The following LRRC1 variants were observed in gnomAD, a reference collection of about 807,000 sequenced individuals.
LRRC1 encodes leucine rich repeat containing 1, also known as leucine-rich repeat-containing protein 1.
LRRC1 carries 28 observed loss-of-function variants against 69.9 expected under a neutral mutation model. That is an observed-to-expected ratio of 0.40 (90% confidence interval 0.30 to 0.55). The LOEUF (loss-of-function observed/expected upper bound fraction) is 0.55. LRRC1 is among the 20% of genes least tolerant of loss of function. The probability of loss-of-function intolerance (pLI) is 0.47; values close to 1 mark genes in which losing one functional copy is unlikely to be tolerated. For synonymous variants in LRRC1, 236 were observed against 240.2 expected (o/e 0.98, Z 0.16); for missense variants, 498 against 609.0 (o/e 0.82, Z 1.92).
chr6:53,905,545 T>G (rs1768207689), intron 10 of LRRC1, among the ~76,000 whole-genome samples: 1 of 152,166 alleles, frequency 6.6e-6, no homozygotes, highest in Admixed American at 6.5e-5. Flanking sequence ...GATCACTGGC[T>G]GGGTGTAGTT....
rs149096015 is a variant in LRRC1, at chr6:53,867,191, C to G, written c.278-11802C>G. On this transcript the variant is annotated intron_variant, in intron 2 of 13. Coordinates refer to ENST00000370888, the MANE Select transcript of LRRC1 (RefSeq NM_018214.5). ...GATGATAGTAATAGTACCTCCTTAA[C>G]GTTTTTGTGAAGGTTTAAATGAGTT... Among the ~76,000 whole-genome samples the G allele has an allele frequency of 9.3e-4, 142 of 152,080 alleles. 2 individuals carry two copies. In the East Asian group the frequency reaches 0.027, roughly 28 times the overall value.
chr6:53,872,752 C>CTTTTTTTTT (rs537186693), intron 2 of LRRC1, among the ~76,000 whole-genome samples: 3 of 106,374 alleles, frequency 2.8e-5, no homozygotes, highest in South Asian at 3.2e-4. Flanking sequence ...TTTCTTTTCT[C>CTTTTTTTTT]TTTTTTTTTT....
At chr6:53,816,165 A>C (rs1325773662) in intron 1 of LRRC1, among the ~76,000 whole-genome samples, 1 of 152,232 alleles carries the variant, frequency 6.6e-6, no homozygotes, top group Non-Finnish European at 1.5e-5. Flanking sequence ...AAGAGGCTTT[A>C]ATCTTAAATA....
chr6:53,906,806 T>G (rs1288559819), intron 10 of LRRC1, among the ~76,000 whole-genome samples: 2 of 152,236 alleles, frequency 1.3e-5, no homozygotes, highest in Non-Finnish European at 2.9e-5. Context: ...TAGAAAGAAA[T>G]AGTCTGCGCC....
chr6:53,825,953 T>C (rs1765242298), intron 1 of LRRC1, among the ~76,000 whole-genome samples: 1 of 152,030 alleles, frequency 6.6e-6, no homozygotes, highest in Non-Finnish European at 1.5e-5. Flanking sequence ...GTTTTACCCA[T>C]TTGAGTAACT....
At chr6:53,861,661 T>A (rs1248779343) in intron 2 of LRRC1, among the ~76,000 whole-genome samples, 2 of 152,056 alleles carry the variant, frequency 1.3e-5, no homozygotes, top group African/African-American at 4.8e-5. Flanking sequence ...GTGTTCTAGC[T>A]AGTTTATCTG....
At chr6:53,816,547 A>T (rs976779767) in intron 1 of LRRC1, among the ~76,000 whole-genome samples, 4 of 152,100 alleles carry the variant, frequency 2.6e-5, no homozygotes, top group Non-Finnish European at 4.4e-5. Context: ...AAGCCTTTTT[A>T]TGTTGGTTTA....
At chr6:53,870,679 A>G (rs1766853728) in intron 2 of LRRC1, among the ~76,000 whole-genome samples, 2 of 152,266 alleles carry the variant, frequency 1.3e-5, no homozygotes, top group Non-Finnish European at 2.9e-5. Flanking sequence ...TTTGAATTTA[A>G]TAGATTATTG....
At chr6:53,879,979 G>A (rs1767230687) in intron 3 of LRRC1, among the ~76,000 whole-genome samples, 1 of 152,148 alleles carries the variant, frequency 6.6e-6, no homozygotes, top group Non-Finnish European at 1.5e-5. Flanking sequence ...CCATTTATAA[G>A]ATTTCTCAAG....
At position 53,920,645 on chromosome 6, in the gene LRRC1, G is replaced by A; in HGVS notation, c.1300G>A (p.Ala434Thr). The stretch of plus-strand genomic sequence containing the variant: ...TGCAGAGAATCTGCCTCGCTGTGGT[G>A]CACTGGAGAACTTGGTAAATGATGT... Reference protein sequence around the residue: ...TCQENLPRCGALENLVNDVSD... With the variant: ...TCQENLPRCGTLENLVNDVSD... Residue 434 changes from alanine (A) to threonine (T), a missense_variant, in exon 13 of 14, where the codon GCA (alanine) becomes ACA (threonine). Ala to Thr is a moderately conservative substitution (Grantham distance 58, BLOSUM62 0). Transcript: ENST00000370888. 1.2e-6 allele frequency: 2 copies of A among 1,614,182 alleles called. No individual in the cohort carries two copies. Among genetic ancestry groups the A allele is most frequent in the Non-Finnish European group, 1.7e-6 (2 of 1,180,014 alleles).
chr6:53,836,641 GT>G (rs1054852103), intron 1 of LRRC1, among the ~76,000 whole-genome samples: 23 of 152,016 alleles, frequency 1.5e-4, no homozygotes, highest in Admixed American at 1.0e-3. Flanking sequence ...ACTTTAAAAA[GT>G]TTTTTTTATT....
chr6:53,866,830 A>G (rs1766717953), intron 2 of LRRC1, among the ~76,000 whole-genome samples: 1 of 152,134 alleles, frequency 6.6e-6, no homozygotes, highest in African/African-American at 2.4e-5. Context: ...TATCTTGAAA[A>G]TGAATCTTAG....
chr6:53,904,582 C>A, intron 10 of LRRC1, 120 bp downstream of exon 10: 1 of 626,040 alleles, frequency 1.6e-6, no homozygotes, highest in Non-Finnish European at 2.7e-6. Context: ...AAGGTGTGAA[C>A]TCTAAATCTG....
intron 2 of LRRC1, among the ~76,000 whole-genome samples, chr6:53,877,482 C>CTGT (rs1767112811): frequency 1.3e-5 from 2 of 152,148 alleles, no homozygotes; most frequent in South Asian, 4.1e-4. Flanking sequence ...TGTTGTCAGC[C>CTGT]TGTAAATTTC....
intron 1 of LRRC1, among the ~76,000 whole-genome samples, chr6:53,804,419 T>G (rs184524942): frequency 1.8e-4 from 28 of 152,330 alleles, no homozygotes; most frequent in African/African-American, 6.0e-4. Flanking sequence ...TTTTAGGATG[T>G]ATTTTAATGG....
At position 53,804,460 on chromosome 6, in the gene LRRC1, T is replaced by C. The variant is rs138675007; in HGVS notation, c.159+9045T>C. Among the ~76,000 whole-genome samples the C allele has an allele frequency of 2.0e-3, 298 of 152,290 alleles. 4 individuals carry two copies. In the East Asian group the frequency reaches 0.041, roughly 21 times the overall value. The stretch of plus-strand genomic sequence containing the variant: ...TTCTTCTTCTTATATCACCATGTAT[T>C]TGTTGTTATTAAAACAAAAATAGAA... On this transcript the variant is annotated intron_variant, in intron 1 of 13. Transcript: ENST00000370888.
At chr6:53,901,450 G>A (rs1221809907) in intron 8 of LRRC1, among the ~76,000 whole-genome samples, 1 of 151,972 alleles carries the variant, frequency 6.6e-6, no homozygotes, top group African/African-American at 2.4e-5. Flanking sequence ...TGAAGGGGAA[G>A]GATTGCTTGA....
At chr6:53,875,063 G>A (rs974603842) in intron 2 of LRRC1, among the ~76,000 whole-genome samples, 1 of 152,132 alleles carries the variant, frequency 6.6e-6, no homozygotes, top group African/African-American at 2.4e-5. Flanking sequence ...TGTTGAATAC[G>A]GCATCTTGTA....
At chr6:53,905,333 C>CAAAAAA (rs748526111) in intron 10 of LRRC1, 1 of 71,262 alleles carries the variant, frequency 1.4e-5, no homozygotes, top group Admixed American at 1.7e-4. Flanking sequence ...GACTCTATCT[C>CAAAAAA]AAAAAAAAAA....
Sources: gnomAD v4.1 joint callset for allele counts (sites outside exome capture counted in the v4.1 genomes callset) on GRCh38, gnomAD v4.1.1 for gene constraint, MANE v1.5 for transcripts, NCBI Gene and HGNC (gene_info 2026-07-23, HGNC 2026-07-21) for gene names.